The following PTK2 variants were observed in gnomAD, a reference collection of about 807,000 sequenced individuals.
The protein encoded by PTK2 is protein tyrosine kinase 2, also known as focal adhesion kinase 1.
In PTK2, 45 loss-of-function variants were observed where a neutral mutation model predicts 150.1. The ratio of observed to expected loss-of-function variants is 0.30; its 90% CI spans 0.24 to 0.38. PTK2 has a LOEUF of 0.38. Ranked by LOEUF, PTK2 falls within the 10% of genes least tolerant of loss-of-function variation. The probability of loss-of-function intolerance (pLI) is 1.00; values close to 1 mark genes in which losing one functional copy is unlikely to be tolerated. For synonymous variants in PTK2, 432 were observed against 449.2 expected (o/e 0.96, Z 0.48); for missense variants, 919 against 1,307.3 (o/e 0.70, Z 4.58).
intron 16 of PTK2, among the ~76,000 whole-genome samples, chr8:140,758,151 G>T (rs1033569030): frequency 1.3e-5 from 2 of 152,090 alleles, no homozygotes; most frequent in Non-Finnish European, 2.9e-5. Flanking sequence ...GAGTGCAGTG[G>T]TGTGAACAAG....
intron 3 of PTK2, among the ~76,000 whole-genome samples, chr8:140,884,225 C>T (rs1464986232): frequency 1.3e-5 from 2 of 152,260 alleles, no homozygotes; most frequent in Admixed American, 1.3e-4. Context: ...TGGGAAATCA[C>T]TACCTCAATC....
rs1597062084 is a variant in PTK2 at position 140,819,100 on chromosome 8, C to T, written c.649-80G>A. The T allele has an allele frequency of 2.1e-6, 3 of 1,425,292 alleles. No homozygotes were observed. In the East Asian group the frequency reaches 7.3e-5, roughly 35 times the overall value. 88.3% of individuals were successfully genotyped at this position (1,425,292 alleles called of 1,614,324 possible). A position where few individuals can be genotyped will look rare whatever the true frequency, so the allele number is the denominator to read the frequency against. On this transcript the variant is annotated intron_variant, in intron 8 of 31. Coordinates refer to ENST00000522684, the Ensembl canonical transcript of PTK2. ...ACAACAATAATGGTAAGATTTCTTTCCTACCAACTACTTACTAACACCTAC... is the reference window on the plus strand; with the variant it reads ...ACAACAATAATGGTAAGATTTCTTTTCTACCAACTACTTACTAACACCTAC...
At chr8:140,712,013 T>C (rs2100037112) in intron 23 of PTK2, among the ~76,000 whole-genome samples, 1 of 152,202 alleles carries the variant, frequency 6.6e-6, no homozygotes, top group South Asian at 2.1e-4. Flanking sequence ...AACAATGTTC[T>C]GAGGCAGTTA....
At chr8:140,670,259 C>T (rs961485229) in intron 29 of PTK2, 1 of 152,452 alleles carries the variant, frequency 6.6e-6, no homozygotes, top group Non-Finnish European at 1.5e-5. Flanking sequence ...ATATTAGGCC[C>T]AGCCTGGCCA....
intron 29 of PTK2, among the ~76,000 whole-genome samples, chr8:140,673,251 A>G (rs750106213): frequency 2.6e-4 from 39 of 152,002 alleles, no homozygotes; most frequent in Non-Finnish European, 5.4e-4. Context: ...GGGATTGCAG[A>G]CATGCACCAC....
rs780972917 is a variant in PTK2 at position 140,686,613 on chromosome 8, G to C, written c.2562+19C>G. 4 of 1,603,860 alleles carry C rather than the reference G, an allele frequency of 2.5e-6. No homozygotes were observed. Among genetic ancestry groups the C allele is most frequent in the Non-Finnish European group, 2.6e-6 (3 of 1,170,808 alleles). ...ACAGGAGAACTGGAAATCAAATCCT[G>C]CTGAAAACTCAGGCTTACCGGACCC... is the stretch of plus-strand genomic sequence containing the variant. On this transcript the variant is annotated intron_variant, in intron 27 of 31. Transcript: ENST00000522684.
intron 14 of PTK2, among the ~76,000 whole-genome samples, chr8:140,775,994 CAATA>C (rs1246766543): frequency 6.6e-6 from 1 of 152,124 alleles, no homozygotes; most frequent in Non-Finnish European, 1.5e-5. Flanking sequence ...AATGGACAAT[CAATA>C]GTTTATTATT....
chr8:140,745,518 G>C (rs2100058186), intron 18 of PTK2, among the ~76,000 whole-genome samples: 1 of 152,164 alleles, frequency 6.6e-6, no homozygotes, highest in South Asian at 2.1e-4. Flanking sequence ...ATTTGATTTG[G>C]TGGAGGAGGA....
intron 15 of PTK2, 21 bp from the exon 19 acceptor site, chr8:140,761,283 A>G (rs554415227): frequency 4.0e-6 from 6 of 1,508,802 alleles, no homozygotes; most frequent in Non-Finnish European, 4.6e-6. Context: ...TAATTCACAC[A>G]TCAATACTTA....
intron 5 of PTK2, among the ~76,000 whole-genome samples, chr8:140,860,058 C>T (rs527503570): frequency 3.3e-5 from 5 of 152,016 alleles, no homozygotes; most frequent in Admixed American, 6.6e-5. Context: ...CCCACATAAA[C>T]GAAAATTATA....
intron 13 of PTK2, 112 bp from the exon 14 acceptor site, chr8:140,789,638 G>A (rs771731685): frequency 4.2e-5 from 39 of 922,494 alleles, no homozygotes; most frequent in Admixed American, 1.5e-4. Flanking sequence ...TTTTAGATAC[G>A]TGATTTCTTT....
intron 26 of PTK2, among the ~76,000 whole-genome samples, chr8:140,688,251 T>A (rs1267546527): frequency 6.6e-6 from 1 of 152,162 alleles, no homozygotes; most frequent in Non-Finnish European, 1.5e-5. Context: ...CTCATGTATA[T>A]CAGCCCCATA....
intron 7 of PTK2, among the ~76,000 whole-genome samples, chr8:140,833,771 G>C (rs1357512833): frequency 6.6e-6 from 1 of 152,136 alleles, no homozygotes; most frequent in East Asian, 1.9e-4. Context: ...CAAAGGATAT[G>C]TCCTAAATGC....
chr8:140,993,921 A>T (rs1478636633), intron 1 of PTK2, among the ~76,000 whole-genome samples: 1 of 152,030 alleles, frequency 6.6e-6, no homozygotes, highest in Non-Finnish European at 1.5e-5. Flanking sequence ...GTAGAGACCA[A>T]GTTTTGCCAT....
chr8:140,658,604 G>C (rs1005506777), exon 32 of PTK2: 1 of 202,982 alleles, frequency 4.9e-6, no homozygotes, highest in Admixed American at 6.0e-5. Flanking sequence ...ATACAAGGAA[G>C]GGTTAGTTAA....
At chr8:140,723,037 G>A (rs1322762118) in intron 22 of PTK2, among the ~76,000 whole-genome samples, 1 of 152,124 alleles carries the variant, frequency 6.6e-6, no homozygotes, top group African/African-American at 2.4e-5. Context: ...AGGACCCTGT[G>A]GAGTCCCTTG....
intron 2 of PTK2, among the ~76,000 whole-genome samples, chr8:140,895,607 G>A (rs531165764): frequency 4.4e-4 from 67 of 152,256 alleles, no homozygotes; most frequent in African/African-American, 1.3e-3. Flanking sequence ...ATCTGTGAAG[G>A]GGGGATGGTT....
intron 23 of PTK2, among the ~76,000 whole-genome samples, chr8:140,715,866 T>G (rs1025825498): frequency 1.4e-4 from 21 of 152,182 alleles, no homozygotes; most frequent in African/African-American, 4.6e-4. Flanking sequence ...CCAAGAAGCC[T>G]CATCACCACT....
At chr8:140,967,709 C>T (rs905974316) in intron 1 of PTK2, among the ~76,000 whole-genome samples, 1 of 152,074 alleles carries the variant, frequency 6.6e-6, no homozygotes, top group Non-Finnish European at 1.5e-5. Flanking sequence ...CTGCCCGCCT[C>T]GGCCTCCCAA....
Sources: allele counts gnomAD v4.1 joint callset (sites outside exome capture counted in the v4.1 genomes callset), GRCh38; gene constraint gnomAD v4.1.1; transcripts MANE v1.5; gene names NCBI Gene and HGNC (gene_info 2026-07-23, HGNC 2026-07-21).